The following FAT3 variants were observed in gnomAD, a reference collection of about 807,000 sequenced individuals.
FAT3 encodes protocadherin Fat 3.
A neutral mutation model predicts 310.2 loss-of-function variants in FAT3; 95 were observed. The ratio of observed to expected loss-of-function variants is 0.31; its 90% CI spans 0.26 to 0.36. The LOEUF (loss-of-function observed/expected upper bound fraction) is 0.36. FAT3 is among the 10% of genes least tolerant of loss of function. The pLI is 1.00. For synonymous variants in FAT3, 2,314 were observed against 2,192.9 expected (o/e 1.06, Z -1.54); for missense variants, 5,408 against 5,715.6 (o/e 0.95, Z 1.74).
intron 1 of FAT3, among the ~76,000 whole-genome samples, chr11:92,289,222 T>C (rs900564590): frequency 1.3e-5 from 2 of 152,144 alleles, no homozygotes; most frequent in African/African-American, 4.8e-5. Context: ...GAAGGGTTAA[T>C]CTCTTGGGTC....
chr11:92,841,851 C>T (rs1432269684), intron 18 of FAT3, among the ~76,000 whole-genome samples: 1 of 152,210 alleles, frequency 6.6e-6, no homozygotes, highest in African/African-American at 2.4e-5. Flanking sequence ...GCCCCTTCAT[C>T]ATGCTACTGT....
At chr11:92,567,225 G>A (rs1190266090) in intron 3 of FAT3, among the ~76,000 whole-genome samples, 9 of 111,606 alleles carry the variant, frequency 8.1e-5, no homozygotes, top group African/African-American at 2.5e-4. Flanking sequence ...AGTGGGCGAA[G>A]GACATGAACA....
chr11:92,492,749 G>T (rs1474693874), intron 2 of FAT3, among the ~76,000 whole-genome samples: 2 of 152,094 alleles, frequency 1.3e-5, no homozygotes, highest in East Asian at 3.9e-4. Context: ...TTGTGACCTT[G>T]GGTAGGTTAT....
In FAT3 at chr11:92,837,734, C is replaced by G. The variant is rs893063744; in HGVS notation, c.10296C>G (p.Val3432=). 1 of 1,613,960 alleles carries G rather than the reference C, an allele frequency of 6.2e-7. No individual in the cohort carries two copies. Among genetic ancestry groups the G allele is most frequent in the Non-Finnish European group, 8.5e-7 (1 of 1,179,872 alleles). ...CTGCAATGTCATCAACTGCAACTGT[C>G]AACATTGATATTTCTGATGTGAATG... is the stretch of plus-strand genomic sequence containing the variant. The part of the protein sequence containing the change: ...GIPAMSSTAT[V]NIDISDVNDN... Residue 3432 remains valine, a synonymous_variant, in exon 17 of 28, where the codon GTC becomes GTG. Coordinates refer to ENST00000525166, the MANE Select transcript of FAT3 (RefSeq NM_001367949.2).
At chr11:92,586,030 C>T (rs892054298) in intron 3 of FAT3, among the ~76,000 whole-genome samples, 1 of 151,978 alleles carries the variant, frequency 6.6e-6, no homozygotes, top group South Asian at 2.1e-4. Flanking sequence ...AAGGACTGGT[C>T]ATGTCAGGAG....
chr11:92,263,884 G>T (rs1273705948), intron 1 of FAT3, among the ~76,000 whole-genome samples: 1 of 151,972 alleles, frequency 6.6e-6, no homozygotes, highest in Non-Finnish European at 1.5e-5. Context: ...TTAGCCCTTA[G>T]TGGAAAGAAA....
intron 2 of FAT3, among the ~76,000 whole-genome samples, chr11:92,473,562 G>A (rs554708062): frequency 1.2e-4 from 18 of 152,226 alleles, no homozygotes; most frequent in African/African-American, 3.6e-4. Flanking sequence ...ATCTTAAGGC[G>A]TCAATACAGA....
At chr11:92,680,103 G>A (rs1165537131) in intron 3 of FAT3, among the ~76,000 whole-genome samples, 1 of 149,792 alleles carries the variant, frequency 6.7e-6, no homozygotes, top group Non-Finnish European at 1.5e-5. Flanking sequence ...ATTTTTTAGT[G>A]TGATTAAGTC....
intron 1 of FAT3, among the ~76,000 whole-genome samples, chr11:92,283,430 G>A (rs1946479521): frequency 6.6e-6 from 1 of 152,092 alleles, no homozygotes; most frequent in African/African-American, 2.4e-5. Flanking sequence ...AGGTAATCCT[G>A]GTTCTATCGG....
chr11:92,285,105 T>C (rs1268991722), intron 1 of FAT3, among the ~76,000 whole-genome samples: 1 of 152,090 alleles, frequency 6.6e-6, no homozygotes, highest in African/African-American at 2.4e-5. Context: ...TCAGTGAATA[T>C]ATCTAGAATA....
chr11:92,285,211 G>A (rs1173285803), intron 1 of FAT3, among the ~76,000 whole-genome samples: 3 of 152,132 alleles, frequency 2.0e-5, no homozygotes, highest in African/African-American at 7.2e-5. Context: ...AGTGCAGAGT[G>A]TAAGAGTGCT....
intron 7 of FAT3, among the ~76,000 whole-genome samples, chr11:92,783,502 TAAAAAA>T (rs11349996): frequency 2.1e-5 from 3 of 140,314 alleles, no homozygotes; most frequent in Non-Finnish European, 4.6e-5. Flanking sequence ...CTTTTTTAAT[TAAAAAA>T]AAAAAAAAAA....
At position 92,459,321 on chromosome 11, in the gene FAT3, C is replaced by T. The variant is rs543073277; in HGVS notation, c.3293-65313C>T. 2.6e-5 allele frequency among the ~76,000 whole-genome samples: 4 copies of T among 152,212 alleles called. No homozygotes were observed. In the South Asian group the frequency reaches 8.3e-4, roughly 32 times the overall value. On this transcript the variant is annotated intron_variant, in intron 2 of 27. Transcript: ENST00000525166. Reference sequence around the variant, plus strand: ...TTACCTGCGGGGAGTTCCAGTTGGCCATTGGAGCTGCTCCTGTAGTGCCCA... The same window carrying T: ...TTACCTGCGGGGAGTTCCAGTTGGCTATTGGAGCTGCTCCTGTAGTGCCCA...
intron 3 of FAT3, among the ~76,000 whole-genome samples, chr11:92,679,367 A>T (rs185247442): frequency 3.2e-4 from 48 of 152,052 alleles, no homozygotes; most frequent in African/African-American, 1.1e-3. Flanking sequence ...GGTATTTGAG[A>T]ATTCCCCATA....
chr11:92,511,225 G>A (rs1953277547), intron 2 of FAT3, among the ~76,000 whole-genome samples: 1 of 152,124 alleles, frequency 6.6e-6, no homozygotes, highest in South Asian at 2.1e-4. Flanking sequence ...TATTACTTAG[G>A]ATAATTCACA....
At chr11:92,448,967 G>A (rs563752714) in intron 2 of FAT3, among the ~76,000 whole-genome samples, 1 of 152,298 alleles carries the variant, frequency 6.6e-6, no homozygotes, top group Admixed American at 6.5e-5. Context: ...GTCTCCAGTT[G>A]AGATGTGTGT....
chr11:92,762,800 C>A (rs1270046228), intron 5 of FAT3, among the ~76,000 whole-genome samples: 1 of 152,110 alleles, frequency 6.6e-6, no homozygotes, highest in East Asian at 1.9e-4. Flanking sequence ...TGATCCCAAC[C>A]ACTTTAGCCA....
intron 3 of FAT3, among the ~76,000 whole-genome samples, chr11:92,645,701 C>A (rs1361153979): frequency 1.3e-5 from 2 of 152,082 alleles, no homozygotes; most frequent in East Asian, 3.9e-4. Flanking sequence ...AGAAATGCAG[C>A]CTTCATTAGT....
intron 3 of FAT3, among the ~76,000 whole-genome samples, chr11:92,620,510 C>T (rs1941035664): frequency 1.3e-5 from 2 of 152,110 alleles, no homozygotes; most frequent in Non-Finnish European, 2.9e-5. Context: ...AACATTTTAC[C>T]TTTCTCCCCA....
Sources: gnomAD v4.1 joint callset for allele counts (sites outside exome capture counted in the v4.1 genomes callset) on GRCh38, gnomAD v4.1.1 for gene constraint, MANE v1.5 for transcripts, NCBI Gene and HGNC (gene_info 2026-07-23, HGNC 2026-07-21) for gene names.